Variants in RORA observed in about 807,000 individuals in gnomAD.
RORA encodes the protein nuclear receptor ROR-alpha.
RORA carries 7 observed loss-of-function variants against 69.5 expected under a neutral mutation model. That is an observed-to-expected ratio of 0.10 (90% CI 0.06 to 0.19). The LOEUF is 0.19. Ranked by LOEUF, RORA falls within the 10% of genes least tolerant of loss-of-function variation. The pLI is 1.00. For missense variants in RORA, 457 were observed against 663.0 expected (o/e 0.69, Z 3.41); for synonymous variants, 261 against 240.8 (o/e 1.08, Z -0.78).
At chr15:60,779,450 C>T (rs560821313) in intron 1 of RORA, among the ~76,000 whole-genome samples, 3 of 152,264 alleles carry the variant, frequency 2.0e-5, no homozygotes, top group East Asian at 1.9e-4. Flanking sequence ...TGGGTTTTAC[C>T]GGCCCAGCCC....
chr15:60,516,991 T>TG (rs2065981597), intron 3 of RORA, among the ~76,000 whole-genome samples: 1 of 150,552 alleles, frequency 6.6e-6, no homozygotes, highest in Non-Finnish European at 1.5e-5. Context: ...CCAAGTTTTG[T>TG]GGAAAAAAAG....
At chr15:61,026,329 T>C (rs1041657469) in intron 1 of RORA, among the ~76,000 whole-genome samples, 28 of 152,238 alleles carry the variant, frequency 1.8e-4, no homozygotes, top group South Asian at 1.2e-3. Flanking sequence ...CACCAAAGCA[T>C]ATGCTGCATT....
chr15:61,168,570 T>C (rs1057094249), intron 1 of RORA, among the ~76,000 whole-genome samples: 4 of 152,122 alleles, frequency 2.6e-5, no homozygotes, highest in African/African-American at 9.7e-5. Flanking sequence ...TTGTATTATA[T>C]ATTAATCTTG....
At chr15:61,137,956 C>T (rs1037678267) in intron 1 of RORA, among the ~76,000 whole-genome samples, 1 of 152,156 alleles carries the variant, frequency 6.6e-6, no homozygotes, top group Admixed American at 6.5e-5. Context: ...ACCAGGAAAA[C>T]ATACTTACCC....
intron 1 of RORA, among the ~76,000 whole-genome samples, chr15:60,870,375 A>G (rs912380680): frequency 6.6e-6 from 1 of 152,186 alleles, no homozygotes; most frequent in Admixed American, 6.5e-5. Flanking sequence ...ATTTTTGTGG[A>G]TTTTAGAGGA....
chr15:60,724,119 T>C (rs574488459), intron 1 of RORA, among the ~76,000 whole-genome samples: 1 of 152,330 alleles, frequency 6.6e-6, no homozygotes, highest in East Asian at 1.9e-4. Flanking sequence ...TGAATTTTTA[T>C]CTTGGATACT....
chr15:61,063,620 C>T (rs2078217188), intron 1 of RORA, among the ~76,000 whole-genome samples: 1 of 151,966 alleles, frequency 6.6e-6, no homozygotes, highest in South Asian at 2.1e-4. Context: ...TTGGAAACAC[C>T]CTTGAAAGTT....
In RORA at chr15:61,139,330, G is replaced by A. The variant is rs182477917; in HGVS notation, c.166+89723C>T. ...TCACCAATCACCATCGTTCCACGGA[G>A]CACAGTCTGGGAAACACTTGTCTAA... On this transcript the variant is annotated intron_variant, in intron 1 of 10. Coordinates refer to ENST00000335670, the MANE Select transcript of RORA (RefSeq NM_134261.3). 1.1e-3 allele frequency among the ~76,000 whole-genome samples: 166 copies of A among 152,274 alleles called. 1 individual carries two copies. The highest frequency in any genetic ancestry group is 3.9e-3 in the African/African-American group (162 of 41,562).
intron 1 of RORA, among the ~76,000 whole-genome samples, chr15:60,988,563 C>A (rs1435283385): frequency 6.6e-6 from 1 of 152,192 alleles, no homozygotes; most frequent in East Asian, 1.9e-4. Context: ...TGACAAACAG[C>A]CCATTGACCA....
In RORA at chr15:61,213,118, C is replaced by T. The variant is rs867778708; in HGVS notation, c.166+15935G>A. Among the ~76,000 whole-genome samples the T allele has an allele frequency of 2.6e-5, 4 of 152,108 alleles. No homozygotes were observed. Among genetic ancestry groups the T allele is most frequent in the Non-Finnish European group, 4.4e-5 (3 of 68,010 alleles). On this transcript the variant is annotated intron_variant, in intron 1 of 10. Transcript: ENST00000335670. This position sits in a 1 kb window ranked among gnomAD's most constrained non-coding sequence, Gnocchi z 4.1. ...CCAAATTGAACCCATGCCTTCTCTC[C>T]TCTTCACACTCTACTCCACTACACT...
rs576119853 is a variant in RORA, at chr15:60,991,326, G to A, written c.166+237727C>T. 7.9e-5 allele frequency among the ~76,000 whole-genome samples: 12 copies of A among 152,238 alleles called. No homozygotes were observed. The East Asian group carries it at 1.2e-3, about 15-fold the overall frequency. Reference sequence around the variant, plus strand: ...TACCGCAGACAGAATAAAGACCGTCGGATTTACTTGGAAACTACAGACTGG... The same window carrying A: ...TACCGCAGACAGAATAAAGACCGTCAGATTTACTTGGAAACTACAGACTGG... On this transcript the variant is annotated intron_variant, in intron 1 of 10. Coordinates refer to ENST00000335670, the MANE Select transcript of RORA (RefSeq NM_134261.3).
chr15:60,750,343 A>G (rs184920624), intron 1 of RORA, among the ~76,000 whole-genome samples: 4 of 152,374 alleles, frequency 2.6e-5, no homozygotes, highest in Non-Finnish European at 5.9e-5. Context: ...TAAACTAGCT[A>G]GCTAAAACCT....
At position 60,684,401 on chromosome 15, in the gene RORA, G is replaced by A. The variant is rs774539485; in HGVS notation, c.167-5715C>T. Among the ~76,000 whole-genome samples, 7 of 152,122 alleles carry A rather than the reference G, an allele frequency of 4.6e-5. 1 individual carries two copies. The highest frequency in any genetic ancestry group is 8.8e-5 in the Non-Finnish European group (6 of 68,024). The stretch of plus-strand genomic sequence containing the variant: ...GAGGCCGAGATGGGTGGATCATGAC[G>A]TCAGGCATTTGAGACCAGCCTGGCC... On this transcript the variant is annotated intron_variant, in intron 1 of 10. Transcript: ENST00000335670.
At chr15:60,946,429 G>C (rs939218830) in intron 1 of RORA, among the ~76,000 whole-genome samples, 17 of 152,354 alleles carry the variant, frequency 1.1e-4, no homozygotes, top group African/African-American at 3.8e-4. Context: ...CGCCACGCCT[G>C]ACTGGTTTTC....
intron 2 of RORA, among the ~76,000 whole-genome samples, chr15:60,556,614 G>GT (rs2067367175): frequency 6.6e-6 from 1 of 152,204 alleles, no homozygotes; most frequent in African/African-American, 2.4e-5. Context: ...ACTGGGGAAT[G>GT]TGCCTGTGGA....
At chr15:60,700,883 T>C (rs2070972037) in intron 1 of RORA, among the ~76,000 whole-genome samples, 1 of 152,202 alleles carries the variant, frequency 6.6e-6, no homozygotes, top group Non-Finnish European at 1.5e-5. Context: ...ACATCCTTAA[T>C]CCAGCCTGCT....
chr15:60,555,808 CTT>C (rs1242900994), intron 2 of RORA, among the ~76,000 whole-genome samples: 2 of 151,846 alleles, frequency 1.3e-5, no homozygotes, highest in Non-Finnish European at 2.9e-5. Flanking sequence ...AGCAAAATGA[CTT>C]TAAGAAAATG....
intron 2 of RORA, among the ~76,000 whole-genome samples, chr15:60,621,600 A>G (rs1407956922): frequency 6.6e-6 from 1 of 152,156 alleles, no homozygotes; most frequent in East Asian, 1.9e-4. Context: ...TCTTTGTCCC[A>G]CACCTGCTTT....
rs2065684036 is a variant in RORA at position 60,511,118 on chromosome 15, AG to A, written c.820+107del. On this transcript the variant is annotated intron_variant, in intron 5 of 10. Transcript: ENST00000335670. The surrounding 1 kb of genome is among the most constrained non-coding windows in gnomAD (Gnocchi z 6.4). ...GAAAATTAAGTGGCCCAAATGGTAAAGGTGAATTGCATCATTTAGCAGAACT... is the reference window on the plus strand; with the variant it reads ...GAAAATTAAGTGGCCCAAATGGTAAAGTGAATTGCATCATTTAGCAGAACT... The A allele has an allele frequency of 8.0e-7, 1 of 1,247,446 alleles. No individual in the cohort carries two copies. Among genetic ancestry groups the A allele is most frequent in the Non-Finnish European group, 1.1e-6 (1 of 899,092 alleles). 77.3% of individuals were successfully genotyped at this position (1,247,446 alleles called of 1,614,324 possible).
Sources: allele counts gnomAD v4.1 joint callset (sites outside exome capture counted in the v4.1 genomes callset), GRCh38; gene constraint gnomAD v4.1.1; non-coding constraint Gnocchi (gnomAD v3.1); transcripts MANE v1.5; gene names NCBI Gene and HGNC (gene_info 2026-07-23, HGNC 2026-07-21).